DYM: variants seen among roughly 807,000 people sequenced by gnomAD.
The protein encoded by DYM is dyggve-Melchior-Clausen syndrome protein.
DYM carries 78 observed loss-of-function variants against 93.1 expected under a neutral mutation model. That is an observed-to-expected ratio of 0.84 (90% confidence interval 0.70 to 1.01). The LOEUF is 1.01. Ranked by LOEUF, DYM falls within the 50% of genes least tolerant of loss-of-function variation. The pLI is 0.00. For missense variants in DYM, 789 were observed against 845.0 expected, an observed-to-expected ratio of 0.93 and a Z score of 0.82; for synonymous variants, 321 against 319.7, an observed-to-expected ratio of 1.00 and a Z score of -0.04.
chr18:49,301,740 T>C, intron 8 of DYM, among the ~76,000 whole-genome samples: 1 of 152,122 alleles, frequency 6.6e-6, no homozygotes. Flanking sequence ...AAAGAAAATA[T>C]TAGAGCTTTG....
chr18:49,107,706 G>A (rs1000102209), intron 16 of DYM, among the ~76,000 whole-genome samples: 1 of 152,204 alleles, frequency 6.6e-6, no homozygotes, highest in African/African-American at 2.4e-5. Flanking sequence ...CAGCAGCGGA[G>A]GCTACAGAAC....
chr18:49,404,164 C>A (rs1237170913), intron 2 of DYM, among the ~76,000 whole-genome samples: 1 of 152,094 alleles, frequency 6.6e-6, no homozygotes, highest in East Asian at 1.9e-4. Context: ...TATGCCACCA[C>A]ACCTGGCTAA....
At chr18:49,319,717 G>C (rs187911251) in intron 8 of DYM, among the ~76,000 whole-genome samples, 1 of 152,192 alleles carries the variant, frequency 6.6e-6, no homozygotes, top group Non-Finnish European at 1.5e-5. Flanking sequence ...GACTCAACTT[G>C]CAAAAGGCAG....
chr18:49,155,428 T>C (rs2086292971), intron 15 of DYM, among the ~76,000 whole-genome samples: 1 of 152,182 alleles, frequency 6.6e-6, no homozygotes, highest in African/African-American at 2.4e-5. Flanking sequence ...ATCTAAAGTA[T>C]GATTGAATGG....
At chr18:49,214,665 C>A (rs1214925009) in intron 13 of DYM, among the ~76,000 whole-genome samples, 1 of 152,046 alleles carries the variant, frequency 6.6e-6, no homozygotes, top group Non-Finnish European at 1.5e-5. Flanking sequence ...AACAATTTCA[C>A]TGATGGTATG....
intron 16 of DYM, among the ~76,000 whole-genome samples, chr18:49,106,918 C>A (rs1012355818): frequency 1.3e-5 from 2 of 152,084 alleles, no homozygotes; most frequent in African/African-American, 4.8e-5. Flanking sequence ...ATCTTTGTGG[C>A]GTTCTCTGTA....
chr18:49,115,450 T>C (rs923598321), intron 16 of DYM, among the ~76,000 whole-genome samples: 2 of 152,166 alleles, frequency 1.3e-5, no homozygotes, highest in East Asian at 1.9e-4. Context: ...ACATAGTCCA[T>C]AGTTCAGGTG....
At chr18:49,166,418 A>T (rs556749979) in intron 14 of DYM, among the ~76,000 whole-genome samples, 404 of 152,256 alleles carry the variant, frequency 2.7e-3, no homozygotes, top group African/African-American at 9.5e-3. Flanking sequence ...TTGTTTCCAA[A>T]TTTTTATATT....
intron 2 of DYM, among the ~76,000 whole-genome samples, chr18:49,422,520 T>G (rs1185312205): frequency 2.0e-5 from 3 of 152,164 alleles, no homozygotes; most frequent in Non-Finnish European, 2.9e-5. Context: ...AACATCATAA[T>G]GACAGGATCA....
intron 1 of DYM, among the ~76,000 whole-genome samples, chr18:49,434,937 G>A (rs2080688948): frequency 6.6e-6 from 1 of 152,110 alleles, no homozygotes; most frequent in Admixed American, 6.5e-5. Flanking sequence ...GCCAGGTGTG[G>A]TAGCTCATGC....
chr18:49,452,099 G>A (rs1397096471), intron 1 of DYM, among the ~76,000 whole-genome samples: 2 of 152,224 alleles, frequency 1.3e-5, no homozygotes, highest in South Asian at 2.1e-4. Context: ...CAAGAATGAA[G>A]CCACAGACCC....
chr18:49,259,507 T>C (rs1215157616), intron 11 of DYM, among the ~76,000 whole-genome samples: 3 of 152,166 alleles, frequency 2.0e-5, no homozygotes, highest in Non-Finnish European at 2.9e-5. Flanking sequence ...GAGAGAGTGC[T>C]ATAGATTTGT....
chr18:49,137,133 C>T (rs532575423), intron 15 of DYM, among the ~76,000 whole-genome samples: 1 of 152,324 alleles, frequency 6.6e-6, no homozygotes, highest in South Asian at 2.1e-4. Context: ...ACACACTGAA[C>T]TGACCACCAC....
intron 17 of DYM, among the ~76,000 whole-genome samples, chr18:49,078,098 A>AT (rs201200974): frequency 0.017 from 2,615 of 152,110 alleles, 77 homozygotes; most frequent in African/African-American, 0.058. Context: ...TGAGCTATTC[A>AT]TTTTTTTATT....
At chr18:49,289,728 T>TGTATATATATAA (rs2059925183) in intron 8 of DYM, among the ~76,000 whole-genome samples, 1 of 4,822 alleles carries the variant, frequency 2.1e-4, no homozygotes, top group African/African-American at 4.4e-4. Context: ...TATATATGTG[T>TGTATATATATAA]ATATATATAT....
chr18:49,409,986 C>T (rs1045915979), intron 2 of DYM, among the ~76,000 whole-genome samples: 1 of 152,206 alleles, frequency 6.6e-6, no homozygotes. Flanking sequence ...TATCATCCAA[C>T]ACTTTTTTCC....
intron 14 of DYM, among the ~76,000 whole-genome samples, chr18:49,197,809 G>C (rs2091614542): frequency 6.6e-6 from 1 of 152,104 alleles, no homozygotes. Context: ...TACTGCCCAA[G>C]GTAATTTAAA....
At chr18:49,305,483 AAGAC>A (rs2061221616) in intron 8 of DYM, among the ~76,000 whole-genome samples, 1 of 152,174 alleles carries the variant, frequency 6.6e-6, no homozygotes, top group African/African-American at 2.4e-5. Context: ...TTGTAACTGA[AAGAC>A]AGAATCTATC....
Position 49,219,885 on chromosome 18 carries a change from T to C in DYM, c.1461-10170A>G, listed in dbSNP as rs568280152. Among the ~76,000 whole-genome samples the C allele has an allele frequency of 1.2e-4, 17 of 139,320 alleles. No homozygotes were observed. In the East Asian group the frequency reaches 2.1e-3, roughly 17 times the overall value. 91.4% of individuals were successfully genotyped at this position (139,320 alleles called of 152,430 possible). ...CCTCTCTCACCACTCCTATTCAACA[T>C]AGTGTTGGAAGTTCTGGCCAGGGCA... On this transcript the variant is annotated intron_variant, in intron 13 of 17. Coordinates refer to ENST00000675505, the MANE Select transcript of DYM (RefSeq NM_001353214.3).
Sources: allele counts gnomAD v4.1 joint callset (sites outside exome capture counted in the v4.1 genomes callset), GRCh38; gene constraint gnomAD v4.1.1; transcripts MANE v1.5; gene names NCBI Gene and HGNC (gene_info 2026-07-23, HGNC 2026-07-21).